The following NUP133 variants were observed in gnomAD, a reference collection of about 807,000 sequenced individuals.
The protein encoded by NUP133 is nuclear pore complex protein Nup133.
NUP133 carries 66 observed loss-of-function variants against 146.2 expected under a neutral mutation model. The observed-to-expected ratio is 0.45, with a 90% CI of 0.37 to 0.55. The LOEUF (loss-of-function observed/expected upper bound fraction) is 0.55. Ranked by LOEUF, NUP133 falls within the 20% of genes least tolerant of loss-of-function variation. NUP133 has a pLI of 0.00. For missense variants in NUP133, 1,277 were observed against 1,374.8 expected (o/e 0.93, Z 1.12); for synonymous variants, 521 against 498.8 (o/e 1.04, Z -0.59).
chr1:229,461,400 C>T (rs1660686609), intron 19 of NUP133, among the ~76,000 whole-genome samples: 1 of 152,132 alleles, frequency 6.6e-6, no homozygotes, highest in Non-Finnish European at 1.5e-5. Context: ...AGATACTTTC[C>T]CTAAAGCAGG....
Position 229,470,614 on chromosome 1 carries a change from G to A in NUP133, c.2042C>T (p.Ser681Phe), listed in dbSNP as rs1339517333. 1 of 1,614,200 alleles carries A rather than the reference G, an allele frequency of 6.2e-7. No homozygotes were observed. The highest frequency in any genetic ancestry group is 1.7e-5 in the Admixed American group (1 of 60,034). The stretch of plus-strand genomic sequence containing the variant: ...AAAGACATCTGCAGGAGTCAGGTTG[G>A]ATGGGATTTCATACTCCCTCTTGTT... ...ALNKREYEIP[S>F]NLTPADVFFR... Residue 681 changes from serine (S) to phenylalanine (F), a missense_variant, in exon 15 of 26, where the codon TCC (serine) becomes TTC (phenylalanine). By Grantham distance (155) the Ser-to-Phe change is radical. Around this residue, in one of 3 missense-constraint regions of NUP133, gnomAD observed 952 missense variants for 1,047.0 expected, o/e 0.91. Transcript: ENST00000261396.
At chr1:229,449,884 T>TA (rs1558088613) in intron 23 of NUP133, among the ~76,000 whole-genome samples, 4 of 121,634 alleles carry the variant, frequency 3.3e-5, no homozygotes, top group African/African-American at 1.3e-4. Flanking sequence ...TTTTTTTTTT[T>TA]TTTTTTTTTT....
intron 1 of NUP133, among the ~76,000 whole-genome samples, chr1:229,507,505 C>G (rs2102791014): frequency 6.6e-6 from 1 of 151,470 alleles, no homozygotes; most frequent in Middle Eastern, 3.4e-3. Context: ...TAAACTATCA[C>G]AGTACTCTTA....
chr1:229,494,489 G>C (rs1056302795), intron 8 of NUP133, among the ~76,000 whole-genome samples: 1 of 152,144 alleles, frequency 6.6e-6, no homozygotes, highest in Non-Finnish European at 1.5e-5. Flanking sequence ...ATAAAAAATA[G>C]TCTTTAACTT....
intron 12 of NUP133, among the ~76,000 whole-genome samples, chr1:229,482,138 A>G (rs576024462): frequency 4.8e-4 from 73 of 152,344 alleles, no homozygotes; most frequent in African/African-American, 1.8e-3. Flanking sequence ...ATATAATTTT[A>G]AACAGAAACA....
chr1:229,463,709 T>C, intron 18 of NUP133, 33 bp from the exon 19 acceptor site: 1 of 1,563,326 alleles, frequency 6.4e-7, no homozygotes, highest in African/African-American at 1.4e-5. Flanking sequence ...GAAAAAATCC[T>C]GTTAGCAAAA....
intron 8 of NUP133, among the ~76,000 whole-genome samples, chr1:229,491,801 G>C (rs1332892517): frequency 6.6e-6 from 1 of 152,108 alleles, no homozygotes; most frequent in African/African-American, 2.4e-5. Flanking sequence ...TTTTAGGCCA[G>C]GCATAGTGGC....
intron 20 of NUP133, 69 bp from the exon 21 acceptor site, chr1:229,458,365 A>C (rs1660615129): frequency 3.3e-6 from 5 of 1,521,550 alleles, no homozygotes; most frequent in African/African-American, 2.8e-5. Context: ...AGGTAAGTAA[A>C]CCCCAAACTT....
intron 20 of NUP133, among the ~76,000 whole-genome samples, chr1:229,459,495 A>ATATATG (rs1287545387): frequency 6.6e-6 from 1 of 152,134 alleles, no homozygotes; most frequent in Non-Finnish European, 1.5e-5. Flanking sequence ...ATATGTATGT[A>ATATATG]TATATGTATA....
chr1:229,476,842 T>C (rs1001339334), intron 13 of NUP133, among the ~76,000 whole-genome samples: 43 of 150,124 alleles, frequency 2.9e-4, no homozygotes, highest in African/African-American at 1.0e-3. Context: ...GAGTATCACT[T>C]GAACCCAGGA....
chr1:229,448,817 T>C, intron 24 of NUP133: 1 of 357,578 alleles, frequency 2.8e-6, no homozygotes, highest in South Asian at 3.3e-5. Flanking sequence ...AAGGAGGGGG[T>C]TGTGGGAACC....
At chr1:229,502,797 TAA>T (rs776726500) in intron 2 of NUP133, among the ~76,000 whole-genome samples, 3,791 of 124,832 alleles carry the variant, frequency 0.03, 152 homozygotes, top group African/African-American at 0.1. Flanking sequence ...CTCTCTCTCT[TAA>T]AAAAAAAAAA....
At chr1:229,443,774 G>T (rs1468799501) in intron 25 of NUP133, among the ~76,000 whole-genome samples, 1 of 143,550 alleles carries the variant, frequency 7.0e-6, no homozygotes, top group African/African-American at 2.6e-5. Flanking sequence ...TGTCACCCAG[G>T]CTGAAGTGCA....
chr1:229,453,233 C>G (rs943678899), intron 21 of NUP133, among the ~76,000 whole-genome samples: 1 of 152,178 alleles, frequency 6.6e-6, no homozygotes. Flanking sequence ...AGCTTAACTG[C>G]TGCTGCCAGC....
At position 229,487,555 on chromosome 1, in the gene NUP133, T is replaced by G. The variant is rs750877924; in HGVS notation, c.1253A>C (p.Tyr418Ser). ...TVPNFSNQTA[Y>S]LYNESAVYVC... ...ATAGACAGCACTTTCGTTATACAGA[T>G]AGGCAGTCTGGTTTGAAAAGTTTGG... The change falls in exon 10 of 26, where the codon TAT becomes TCT. Residue 418 changes from tyrosine to serine, a missense_variant. Coordinates refer to ENST00000261396, the MANE Select transcript of NUP133 (RefSeq NM_018230.3). 3 of 1,613,428 alleles carry G rather than the reference T, an allele frequency of 1.9e-6. No homozygotes were observed. Among genetic ancestry groups the G allele is most frequent in the African/African-American group, 1.3e-5 (1 of 75,020 alleles).
At chr1:229,452,420 G>T in intron 22 of NUP133, 105 bp downstream of exon 22, 1 of 744,822 alleles carries the variant, frequency 1.3e-6, no homozygotes. Flanking sequence ...TGGAAGGTAG[G>T]CAGTAGAACA....
intron 2 of NUP133, 45 bp from the exon 3 acceptor site, chr1:229,502,147 C>G: frequency 3.6e-6 from 5 of 1,377,226 alleles, no homozygotes; most frequent in Non-Finnish European, 5.2e-6. Flanking sequence ...TAGTATAAAT[C>G]TTTATTACCA....
intron 24 of NUP133, 28 bp downstream of exon 24, chr1:229,449,098 C>T: frequency 6.4e-7 from 1 of 1,567,438 alleles, no homozygotes. Flanking sequence ...TCTATACTTT[C>T]CAAAGAAGCA....
chr1:229,503,753 C>T (rs1032863425), intron 2 of NUP133, among the ~76,000 whole-genome samples: 1 of 152,142 alleles, frequency 6.6e-6, no homozygotes, highest in Admixed American at 6.5e-5. Context: ...GACCGGTGTG[C>T]CTTTAAGGGC....
Sources: gnomAD v4.1 joint callset for allele counts (sites outside exome capture counted in the v4.1 genomes callset) on GRCh38, gnomAD v4.1.1 for gene constraint, gnomAD v4.1.1 regional missense constraint, MANE v1.5 for transcripts, NCBI Gene and HGNC (gene_info 2026-07-23, HGNC 2026-07-21) for gene names.